GRIN2C: variants seen among roughly 807,000 people sequenced by gnomAD.
The protein encoded by GRIN2C is glutamate receptor ionotropic, NMDA 2C.
A neutral mutation model predicts 77.7 loss-of-function variants in GRIN2C; 64 were observed. The observed-to-expected ratio is 0.82, with a 90% CI of 0.67 to 1.01. GRIN2C has a LOEUF of 1.01. Ranked by LOEUF, GRIN2C falls within the 50% of genes least tolerant of loss-of-function variation. The probability of loss-of-function intolerance (pLI) is 0.00; values close to 1 mark genes in which losing one functional copy is unlikely to be tolerated. For synonymous variants in GRIN2C, 792 were observed against 643.4 expected (o/e 1.23, Z -3.49); for missense variants, 1,549 against 1,486.0 (o/e 1.04, Z -0.70).
chr17:74,842,406 G>C lies in GRIN2C; in HGVS notation c.*29C>G. On this transcript the variant is annotated 3_prime_UTR_variant, in exon 13 of 13. Coordinates refer to ENST00000293190, the MANE Select transcript of GRIN2C (RefSeq NM_000835.6). ...CTGACAGTGGCAGGCAGAGAATCCAGCTGGCTCGGAGCCTGAGTGGCTGAT... is the reference window on the plus strand; with the variant it reads ...CTGACAGTGGCAGGCAGAGAATCCACCTGGCTCGGAGCCTGAGTGGCTGAT... 1 of 754,380 alleles carries C rather than the reference G, an allele frequency of 1.3e-6. No homozygotes were observed. The highest frequency in any genetic ancestry group is 1.4e-5 in the South Asian group (1 of 71,950). The allele number at this position is 754,380 out of a possible 1,614,324, so 46.7% of individuals were successfully genotyped here. A position where few individuals can be genotyped will look rare whatever the true frequency, so the allele number is the denominator to read the frequency against.
In GRIN2C at chr17:74,843,105, C is replaced by T. The variant is rs2037346546; in HGVS notation, c.3032G>A (p.Cys1011Tyr). 4 of 448,620 alleles carry T rather than the reference C, an allele frequency of 8.9e-6. No individual in the cohort carries two copies. The highest frequency in any genetic ancestry group is 1.6e-5 in the Non-Finnish European group (4 of 252,608). 27.8% of individuals were successfully genotyped at this position (448,620 alleles called of 1,614,324 possible). ...CTCGGAGGCCGAGAGGTGCCTCCCG[C>T]AGTGCCCGGTCCGCACCGGCCACCG... ...EARWPVRTGH[C>Y]GRHLSASERP... The change falls in exon 13 of 13, where the codon TGC becomes TAC. Residue 1011 changes from cysteine (C) to tyrosine (Y), a missense_variant. Cys to Tyr is a radical substitution (Grantham distance 194). Transcript: ENST00000293190.
At position 74,843,534 on chromosome 17, in the gene GRIN2C, C is replaced by G; in HGVS notation, c.2603G>C (p.Ser868Thr). The change falls in exon 13 of 13, where the codon AGC (serine) becomes ACC (threonine). Residue 868 changes from serine (S) to threonine (T), a missense_variant. By Grantham distance (58) the Ser-to-Thr change is moderately conservative. Around this residue, in one of 3 missense-constraint regions of GRIN2C, gnomAD observed 450 missense variants for 267.9 expected, o/e 1.68. Transcript: ENST00000293190. ...AFSRGIYSCF[S>T]GVQSLASPPR... Reference sequence around the variant, plus strand: ...TGGGCTGGCGAGGCTCTGCACCCCGCTGAAGCAGCTGTAGATGCCCTGGGC... The same window carrying G: ...TGGGCTGGCGAGGCTCTGCACCCCGGTGAAGCAGCTGTAGATGCCCTGGGC... 2 of 1,533,140 alleles carry G rather than the reference C, an allele frequency of 1.3e-6. No homozygotes were observed. The highest frequency in any genetic ancestry group is 1.7e-6 in the Non-Finnish European group (2 of 1,146,430). 95.0% of individuals were successfully genotyped at this position (1,533,140 alleles called of 1,614,324 possible). A position where few individuals can be genotyped will look rare whatever the true frequency, so the allele number is the denominator to read the frequency against.
At chr17:74,843,581 A>C (rs1420074830) in intron 12 of GRIN2C, 28 bp from the exon 13 acceptor site, 1 of 1,529,360 alleles carries the variant, frequency 6.5e-7, no homozygotes, top group Non-Finnish European at 8.7e-7. Flanking sequence ...GACAGGCCGT[A>C]AGCAGCGCCC....
In GRIN2C at chr17:74,842,522, G is replaced by T. The variant is rs373700611; in HGVS notation, c.3615C>A (p.Asp1205Glu). Residue 1205 changes from aspartate to glutamate, a missense_variant, in exon 13 of 13, where the codon GAC (aspartate) becomes GAA (glutamate). Asp to Glu is a conservative substitution (Grantham distance 45). Coordinates refer to ENST00000293190, the MANE Select transcript of GRIN2C (RefSeq NM_000835.6). ...GTGYRDSGGLDEISRVARGTQ... is the reference protein window; with the variant it reads ...GTGYRDSGGLEEISRVARGTQ... Reference sequence around the variant, plus strand: ...TCCCACGGGCTACCCTGCTGATCTCGTCCAGTCCCCCACTGTCTCTGTAGC... The same window carrying T: ...TCCCACGGGCTACCCTGCTGATCTCTTCCAGTCCCCCACTGTCTCTGTAGC... 2 of 778,946 alleles carry T rather than the reference G, an allele frequency of 2.6e-6. No individual in the cohort carries two copies. Among genetic ancestry groups the T allele is most frequent in the South Asian group, 1.3e-5 (1 of 74,426 alleles). 48.3% of individuals were successfully genotyped at this position (778,946 alleles called of 1,614,324 possible).
chr17:74,852,967 T>A, intron 2 of GRIN2C: 2 of 218,652 alleles, frequency 9.1e-6, no homozygotes, highest in Non-Finnish European at 9.0e-6. Context: ...AGCCGATCCT[T>A]GAGCCCGCTA....
At position 74,852,557 on chromosome 17, in the gene GRIN2C, C is replaced by T; in HGVS notation, c.454G>A (p.Val152Met). The change falls in exon 3 of 13, where the codon GTG becomes ATG. Residue 152 changes from valine (V) to methionine (M), a missense_variant. Physicochemically the swap from Val to Met is conservative, Grantham distance 21. Coordinates refer to ENST00000293190, the MANE Select transcript of GRIN2C (RefSeq NM_000835.6). ...LGVSLEQQLQVLFKVLEEYDW... is the reference protein window; with the variant it reads ...LGVSLEQQLQMLFKVLEEYDW... ...TACTCTTCCAGCACCTTGAACAGCA[C>T]CTGCAGCTGCTGCTCCAGGGACACG... 2.6e-6 allele frequency: 4 copies of T among 1,515,604 alleles called. No homozygotes were observed. The highest frequency in any genetic ancestry group is 2.5e-5 in the South Asian group (2 of 79,498). The allele number at this position is 1,515,604 out of a possible 1,614,324, so 93.9% of individuals were successfully genotyped here.
In GRIN2C at chr17:74,844,495, T is replaced by C. The variant is rs1196096248; in HGVS notation, c.2364A>G (p.Lys788=). 7 of 1,614,070 alleles carry C rather than the reference T, an allele frequency of 4.3e-6. No individual in the cohort carries two copies. The highest frequency in any genetic ancestry group is 5.9e-6 in the Non-Finnish European group (7 of 1,179,932). The change falls in exon 12 of 13, where the codon AAA becomes AAG. Residue 788 remains lysine (K), a synonymous_variant. Coordinates refer to ENST00000293190, the MANE Select transcript of GRIN2C (RefSeq NM_000835.6). ...TCCCTGAGAGCCACACTGTCTCCAG[T>C]TTCTGTGTCTCTCCTGGAGTTGGGG... ...LQFLGDGETQ[K]LETVWLSGIC...
At chr17:74,860,460 T>C (rs1202386195), upstream of GRIN2C, 3 of 456,612 alleles carry the variant, frequency 6.6e-6, no homozygotes, top group Admixed American at 4.7e-5. Context: ...CAGCAGCTCC[T>C]TGCAGGGTCG....
Position 74,842,304 on chromosome 17 carries a change from T to A in GRIN2C, c.*131A>T. The A allele has an allele frequency of 1.6e-6, 1 of 611,684 alleles. No individual in the cohort carries two copies. The highest frequency in any genetic ancestry group is 3.0e-6 in the Non-Finnish European group (1 of 338,682). The allele number at this position is 611,684 out of a possible 1,614,324, so 37.9% of individuals were successfully genotyped here. A position where few individuals can be genotyped will look rare whatever the true frequency, so the allele number is the denominator to read the frequency against. On this transcript the variant is annotated 3_prime_UTR_variant, in exon 13 of 13. Coordinates refer to ENST00000293190, the MANE Select transcript of GRIN2C (RefSeq NM_000835.6). ...AGGTCACTGATGACCATGGAAGACA[T>A]CATCTGTCACTGGGGTCCCATGGCC...
Position 74,850,887 on chromosome 17 carries a change from G to T in GRIN2C, c.1114-120C>A. On this transcript the variant is annotated intron_variant, in intron 4 of 12. Transcript: ENST00000293190. This position sits in a 1 kb window ranked among gnomAD's most constrained non-coding sequence, Gnocchi z 5.3. ...CCTAGGGATGCTGGGGCAGGTCAGA[G>T]TAGGGCTGCTCCCAACAGCCTCCCC... 1 of 826,408 alleles carries T rather than the reference G, an allele frequency of 1.2e-6. No homozygotes were observed. The highest frequency in any genetic ancestry group is 2.2e-5 in the Admixed American group (1 of 45,404). The allele number at this position is 826,408 out of a possible 1,614,324, so 51.2% of individuals were successfully genotyped here.
chr17:74,845,261 ATTTTT>A (rs34846249), intron 11 of GRIN2C, among the ~76,000 whole-genome samples: 6 of 97,646 alleles, frequency 6.1e-5, no homozygotes, highest in Non-Finnish European at 1.0e-4. Flanking sequence ...GAGAAATCAG[ATTTTT>A]TTTTTTTTTT....
chr17:74,860,333 ACCAT>A (rs1245627409), upstream of GRIN2C: 1 of 440,712 alleles, frequency 2.3e-6, no homozygotes, highest in Non-Finnish European at 4.6e-6. Flanking sequence ...AGATAACGCC[ACCAT>A]CCGAGGGCTG....
rs887272322 is a variant in GRIN2C, at chr17:74,846,128, A to G, written c.2288T>C (p.Met763Thr). The G allele has an allele frequency of 1.2e-6, 2 of 1,614,078 alleles. No homozygotes were observed. Among genetic ancestry groups the G allele is most frequent in the Non-Finnish European group, 1.7e-6 (2 of 1,180,030 alleles). ...VFATTGYGIAMQKDSHWKRAI... is the reference protein window; with the variant it reads ...VFATTGYGIATQKDSHWKRAI... The stretch of plus-strand genomic sequence containing the variant: ...CCGCTTCCAGTGGGAGTCCTTCTGC[A>G]TGGCGATGCCGTAGCCAGTGGTAGC... The change falls in exon 11 of 13, where the codon ATG (methionine) becomes ACG (threonine). Residue 763 changes from methionine (M) to threonine (T), a missense_variant. By Grantham distance (81) the Met-to-Thr change is moderately conservative (BLOSUM62 -1). Around this residue, in one of 3 missense-constraint regions of GRIN2C, gnomAD observed 717 missense variants for 858.1 expected, o/e 0.84. Transcript: ENST00000293190. This position sits in a 1 kb window ranked among gnomAD's most constrained non-coding sequence, Gnocchi z 4.4.
At chr17:74,860,736 C>G (rs1245424460), upstream of GRIN2C, 1 of 347,966 alleles carries the variant, frequency 2.9e-6, no homozygotes, top group Admixed American at 3.8e-5. Flanking sequence ...CTGCAAGATG[C>G]CACTACTCTG....
intron 7 of GRIN2C, among the ~76,000 whole-genome samples, chr17:74,848,714 G>A (rs2037537568): frequency 6.6e-6 from 1 of 151,560 alleles, no homozygotes; most frequent in Non-Finnish European, 1.5e-5. Flanking sequence ...AAAAAGGAAA[G>A]AAAAGAAATC....
In GRIN2C at chr17:74,852,120, G is replaced by T; in HGVS notation, c.891C>A (p.Ala297=). The T allele has an allele frequency of 6.9e-7, 1 of 1,458,256 alleles. No homozygotes were observed. 90.3% of individuals were successfully genotyped at this position (1,458,256 alleles called of 1,614,324 possible). A position where few individuals can be genotyped will look rare whatever the true frequency, so the allele number is the denominator to read the frequency against. ...QKVRDGVAIL[A]LGAHSYWRQH... Reference sequence around the variant, plus strand: ...GGCGCCAGTAGCTGTGGGCGCCCAGGGCCAGAATGGCCACGCCGTCGCGCA... The same window carrying T: ...GGCGCCAGTAGCTGTGGGCGCCCAGTGCCAGAATGGCCACGCCGTCGCGCA... Residue 297 remains alanine, a synonymous_variant, in exon 3 of 13, where the codon GCC becomes GCA. Transcript: ENST00000293190.
chr17:74,843,193 G>C lies in GRIN2C; in HGVS notation c.2944C>G (p.Pro982Ala), dbSNP rs960726960. ...RRAPQPPGRPPTPGPPLSDVS... is the reference protein window; with the variant it reads ...RRAPQPPGRPATPGPPLSDVS... The stretch of plus-strand genomic sequence containing the variant: ...TCGGACAGGGGCGGCCCCGGCGTCG[G>C]GGGGCGGCCCGGGGGCTGCGGAGCC... The change falls in exon 13 of 13, where the codon CCG becomes GCG. Residue 982 changes from proline to alanine, a missense_variant. Transcript: ENST00000293190. 7.0e-6 allele frequency: 3 copies of C among 427,188 alleles called. No homozygotes were observed. Among genetic ancestry groups the C allele is most frequent in the Non-Finnish European group, 1.2e-5 (3 of 253,394 alleles). The allele number at this position is 427,188 out of a possible 1,614,324, so 26.5% of individuals were successfully genotyped here.
At chr17:74,858,295 G>A (rs2037867937) in intron 1 of GRIN2C, among the ~76,000 whole-genome samples, 1 of 150,402 alleles carries the variant, frequency 6.6e-6, no homozygotes, top group Non-Finnish European at 1.5e-5. Context: ...ATCCTCATGG[G>A]CTGGGGACAC....
At position 74,850,924 on chromosome 17, in the gene GRIN2C, C is replaced by T. The variant is rs1280325335; in HGVS notation, c.1114-157G>A. On this transcript the variant is annotated intron_variant, in intron 4 of 12. Transcript: ENST00000293190. The surrounding 1 kb of genome is among the most constrained non-coding windows in gnomAD (Gnocchi z 5.3). Reference sequence around the variant, plus strand: ...CCAACAGCCTCCCCCAGCCTCGGGTCCCTGTGTTCATACAGCTCCACACTG... The same window carrying T: ...CCAACAGCCTCCCCCAGCCTCGGGTTCCTGTGTTCATACAGCTCCACACTG... 1 of 643,784 alleles carries T rather than the reference C, an allele frequency of 1.6e-6. No homozygotes were observed. The highest frequency in any genetic ancestry group is 2.8e-6 in the Non-Finnish European group (1 of 358,808). The allele number at this position is 643,784 out of a possible 1,614,324, so 39.9% of individuals were successfully genotyped here.
Sources: gnomAD v4.1 joint callset for allele counts (sites outside exome capture counted in the v4.1 genomes callset) on GRCh38, gnomAD v4.1.1 for gene constraint, gnomAD v4.1.1 regional missense constraint, Gnocchi (gnomAD v3.1) non-coding constraint, MANE v1.5 for transcripts, NCBI Gene and HGNC (gene_info 2026-07-23, HGNC 2026-07-21) for gene names.